The following KIF26B variants were observed in gnomAD, a reference collection of about 807,000 sequenced individuals.
The protein encoded by KIF26B is kinesin family member 26B.
In KIF26B, 63 loss-of-function variants were observed where a neutral mutation model predicts 151.2. The observed-to-expected ratio is 0.42, with a 90% CI of 0.34 to 0.51. The LOEUF is 0.51. KIF26B is among the 20% of genes least tolerant of loss of function. The pLI, the probability that KIF26B is intolerant of heterozygous loss-of-function variation, is 0.07. For synonymous variants in KIF26B, 1,357 were observed against 1,262.1 expected (o/e 1.08, Z -1.59); for missense variants, 2,813 against 2,913.6 (o/e 0.97, Z 0.79).
At chr1:245,567,438 C>G (rs1220791745) in intron 5 of KIF26B, among the ~76,000 whole-genome samples, 1 of 152,206 alleles carries the variant, frequency 6.6e-6, no homozygotes, top group Non-Finnish European at 1.5e-5. Flanking sequence ...CTCCAGCCTC[C>G]TGTCCCCTTC....
intron 4 of KIF26B, among the ~76,000 whole-genome samples, chr1:245,422,109 A>G (rs1235665149): frequency 2.6e-5 from 4 of 152,160 alleles, no homozygotes; most frequent in Non-Finnish European, 5.9e-5. Flanking sequence ...AGAGCTGGAA[A>G]GGATCCCTAA....
At chr1:245,626,754 T>C (rs1031423711) in intron 9 of KIF26B, among the ~76,000 whole-genome samples, 6 of 152,350 alleles carry the variant, frequency 3.9e-5, no homozygotes, top group African/African-American at 1.4e-4. Flanking sequence ...ATCTTTCTAA[T>C]TTTGGTTTTC....
At chr1:245,246,504 C>T (rs1670333044) in intron 2 of KIF26B, among the ~76,000 whole-genome samples, 1 of 152,178 alleles carries the variant, frequency 6.6e-6, no homozygotes, top group Admixed American at 6.5e-5. Flanking sequence ...TCCCCACCAC[C>T]CAGGCCCTGC....
At chr1:245,322,515 G>T (rs978491668) in intron 2 of KIF26B, among the ~76,000 whole-genome samples, 7 of 152,124 alleles carry the variant, frequency 4.6e-5, no homozygotes, top group African/African-American at 1.7e-4. Context: ...ATTTTTTTGT[G>T]ATTGAAGAAA....
chr1:245,354,395 C>G (rs954123295), intron 2 of KIF26B, among the ~76,000 whole-genome samples: 1 of 152,224 alleles, frequency 6.6e-6, no homozygotes, highest in African/African-American at 2.4e-5. Context: ...ATGACAGGCT[C>G]TGTGACCAGC....
At chr1:245,483,178 C>A (rs1054643690) in intron 4 of KIF26B, among the ~76,000 whole-genome samples, 1 of 151,662 alleles carries the variant, frequency 6.6e-6, no homozygotes, top group Non-Finnish European at 1.5e-5. Context: ...AATCCAAGAG[C>A]CTGGTGAGGA....
At chr1:245,587,397 G>A (rs1283736721) in intron 5 of KIF26B, among the ~76,000 whole-genome samples, 1 of 152,152 alleles carries the variant, frequency 6.6e-6, no homozygotes, top group Non-Finnish European at 1.5e-5. Context: ...GCCTCGCACA[G>A]TACCTGGACC....
chr1:245,200,816 GT>G (rs780481286), intron 2 of KIF26B, among the ~76,000 whole-genome samples: 1 of 152,156 alleles, frequency 6.6e-6, no homozygotes, highest in Non-Finnish European at 1.5e-5. Flanking sequence ...AGGGTATAGG[GT>G]TTTTCAAACG....
At chr1:245,579,652 A>C (rs2043155142) in intron 5 of KIF26B, among the ~76,000 whole-genome samples, 1 of 138,884 alleles carries the variant, frequency 7.2e-6, no homozygotes, top group South Asian at 2.3e-4. Flanking sequence ...TCTACTAAAA[A>C]TACAAAAAAC....
In KIF26B at chr1:245,397,338, C is replaced by T. The variant is rs771105232; in HGVS notation, c.1000-22241C>T. ...TCAAGCAATTCTCCTGCCTCAGCCT[C>T]CCAAGTAGCTGGGATTACAGGCATG... On this transcript the variant is annotated intron_variant, in intron 3 of 14. Coordinates refer to ENST00000407071, the MANE Select transcript of KIF26B (RefSeq NM_018012.4). Among the ~76,000 whole-genome samples the T allele has an allele frequency of 2.5e-4, 38 of 152,220 alleles. No homozygotes were observed. In the Middle Eastern group the frequency reaches 0.01, roughly 41 times the overall value.
At chr1:245,682,138 C>T (rs893283214) in intron 10 of KIF26B, among the ~76,000 whole-genome samples, 22 of 152,138 alleles carry the variant, frequency 1.4e-4, no homozygotes, top group South Asian at 8.3e-4. Context: ...CCAGCTACTC[C>T]GGAGGCTGAG....
chr1:245,486,541 T>C (rs1169817001), intron 4 of KIF26B, among the ~76,000 whole-genome samples: 1 of 152,252 alleles, frequency 6.6e-6, no homozygotes, highest in Non-Finnish European at 1.5e-5. Flanking sequence ...TTTAAATACG[T>C]AAGATAATTT....
intron 2 of KIF26B, among the ~76,000 whole-genome samples, chr1:245,265,133 C>T (rs1460674555): frequency 2.1e-5 from 3 of 139,600 alleles, no homozygotes; most frequent in African/African-American, 5.4e-5. Flanking sequence ...ACCCGGGAGG[C>T]GGAGCTGGCA....
intron 2 of KIF26B, among the ~76,000 whole-genome samples, chr1:245,165,469 C>T (rs993577312): frequency 2.0e-5 from 3 of 152,148 alleles, no homozygotes; most frequent in African/African-American, 7.2e-5. Flanking sequence ...TGGAATGGTC[C>T]AATGGGCTCC....
chr1:245,326,139 G>A (rs948773187), intron 2 of KIF26B, among the ~76,000 whole-genome samples: 1 of 152,050 alleles, frequency 6.6e-6, no homozygotes, highest in African/African-American at 2.4e-5. Flanking sequence ...TAAAAGTAAG[G>A]CGTGTTCTTC....
At chr1:245,283,443 C>A (rs1671102165) in intron 2 of KIF26B, among the ~76,000 whole-genome samples, 1 of 152,070 alleles carries the variant, frequency 6.6e-6, no homozygotes, top group Admixed American at 6.6e-5. Flanking sequence ...TTTCTTTTTA[C>A]CCTCTTGGAA....
chr1:245,301,424 G>T lies in KIF26B; in HGVS notation c.466-65410G>T, dbSNP rs75537081. Among the ~76,000 whole-genome samples, 546 of 152,310 alleles carry T rather than the reference G, an allele frequency of 3.6e-3. 1 individual carries two copies. The highest frequency in any genetic ancestry group is 0.012 in the African/African-American group (517 of 41,556). ...AGACAAAAGCAGGGCTTTCTGTTTT[G>T]GAGATATTCCTGGCGTCTCTTCAGC... On this transcript the variant is annotated intron_variant, in intron 2 of 14. Coordinates refer to ENST00000407071, the MANE Select transcript of KIF26B (RefSeq NM_018012.4).
chr1:245,460,441 T>C (rs1659622478), intron 4 of KIF26B, among the ~76,000 whole-genome samples: 1 of 152,122 alleles, frequency 6.6e-6, no homozygotes, highest in African/African-American at 2.4e-5. Flanking sequence ...GCCACCCCCA[T>C]TTTTTACAGG....
chr1:245,645,217 C>T (rs1315148208), intron 9 of KIF26B, among the ~76,000 whole-genome samples: 3 of 151,996 alleles, frequency 2.0e-5, no homozygotes, highest in Non-Finnish European at 4.4e-5. Context: ...AGTGTTGGAA[C>T]CTGCTGGGAG....
Sources: allele counts gnomAD v4.1 joint callset (sites outside exome capture counted in the v4.1 genomes callset), GRCh38; gene constraint gnomAD v4.1.1; transcripts MANE v1.5; gene names NCBI Gene and HGNC (gene_info 2026-07-23, HGNC 2026-07-21).